The following ZSWIM6 variants were observed in gnomAD, a reference collection of about 807,000 sequenced individuals.
ZSWIM6 encodes the protein zinc finger SWIM domain-containing protein 6.
In ZSWIM6, 9 loss-of-function variants were observed where a neutral mutation model predicts 113.2. The observed-to-expected ratio is 0.08, with a 90% CI of 0.05 to 0.14. The LOEUF (loss-of-function observed/expected upper bound fraction) is 0.14. Among genes scored for constraint, ZSWIM6 ranks in the 10% least tolerant of loss-of-function variants. The pLI, the probability that ZSWIM6 is intolerant of heterozygous loss-of-function variation, is 1.00. For synonymous variants in ZSWIM6, 611 were observed against 606.5 expected (o/e 1.01, Z -0.11); for missense variants, 1,162 against 1,552.2 (o/e 0.75, Z 4.22).
At chr5:61,506,101 C>T (rs1748612073) in intron 4 of ZSWIM6, among the ~76,000 whole-genome samples, 1 of 152,000 alleles carries the variant, frequency 6.6e-6, no homozygotes, top group African/African-American at 2.4e-5. Context: ...AGAATTTTGT[C>T]AGAACTTGGT....
chr5:61,355,977 T>A (rs1351235691), intron 1 of ZSWIM6, among the ~76,000 whole-genome samples: 1 of 152,186 alleles, frequency 6.6e-6, no homozygotes, highest in Non-Finnish European at 1.5e-5. Context: ...ATAAGTTCTT[T>A]CTGTTTATGT....
chr5:61,382,169 C>T (rs1170552871), intron 1 of ZSWIM6, among the ~76,000 whole-genome samples: 2 of 152,046 alleles, frequency 1.3e-5, no homozygotes, highest in African/African-American at 2.4e-5. Flanking sequence ...TCATGCATGC[C>T]GATTCTCTCC....
rs1222000075 is a variant in ZSWIM6 at position 61,525,797 on chromosome 5, C to T, written c.1514-3C>T. 1.3e-6 allele frequency: 2 copies of T among 1,551,318 alleles called. No homozygotes were observed. The highest frequency in any genetic ancestry group is 1.7e-6 in the Non-Finnish European group (2 of 1,146,736). On this transcript the variant is annotated splice_region_variant and splice_polypyrimidine_tract_variant and intron_variant, in intron 5 of 13. Transcript: ENST00000252744. The stretch of plus-strand genomic sequence containing the variant: ...ACGGCTTTCTGAATTGTGGAAAAAA[C>T]AGATTCATCGAACAGGCCACATCGG...
intron 12 of ZSWIM6, among the ~76,000 whole-genome samples, chr5:61,540,368 G>A (rs1228325644): frequency 6.6e-6 from 1 of 152,104 alleles, no homozygotes; most frequent in African/African-American, 2.4e-5. Flanking sequence ...TAAAAAGTTT[G>A]TTTCATTTTT....
At chr5:61,540,301 C>A (rs1749694680) in intron 12 of ZSWIM6, among the ~76,000 whole-genome samples, 1 of 152,164 alleles carries the variant, frequency 6.6e-6, no homozygotes, top group South Asian at 2.1e-4. Context: ...GTTCGTCATG[C>A]AGATAGATGT....
chr5:61,510,988 C>T (rs1480930540), intron 4 of ZSWIM6, among the ~76,000 whole-genome samples: 1 of 151,808 alleles, frequency 6.6e-6, no homozygotes, highest in Admixed American at 6.6e-5. Context: ...ATGTTTCAGG[C>T]GTATTGAAGG....
intron 1 of ZSWIM6, among the ~76,000 whole-genome samples, chr5:61,419,722 A>C (rs991252152): frequency 6.6e-6 from 1 of 152,192 alleles, no homozygotes; most frequent in African/African-American, 2.4e-5. Flanking sequence ...TGTCCACACA[A>C]TGCAAGCCTC....
intron 10 of ZSWIM6, among the ~76,000 whole-genome samples, chr5:61,536,257 AT>A (rs1315988885): frequency 6.6e-6 from 1 of 152,040 alleles, no homozygotes; most frequent in Non-Finnish European, 1.5e-5. Flanking sequence ...CCACCTTTTT[AT>A]TTCTACCTTC....
intron 2 of ZSWIM6, among the ~76,000 whole-genome samples, chr5:61,484,234 C>A (rs1030851515): frequency 2.0e-5 from 3 of 152,272 alleles, no homozygotes; most frequent in Non-Finnish European, 4.4e-5. Context: ...CAGCAGACAA[C>A]CCCCATCCAA....
At chr5:61,428,144 G>A (rs1419642188) in intron 1 of ZSWIM6, among the ~76,000 whole-genome samples, 1 of 152,080 alleles carries the variant, frequency 6.6e-6, no homozygotes, top group East Asian at 1.9e-4. Context: ...ACACAAGGGA[G>A]CTCTAATTTA....
chr5:61,401,258 C>T (rs1022324907), intron 1 of ZSWIM6, among the ~76,000 whole-genome samples: 7 of 152,016 alleles, frequency 4.6e-5, no homozygotes, highest in African/African-American at 1.7e-4. Flanking sequence ...GAGCAACAGA[C>T]GGAAGAAATT....
chr5:61,360,384 C>G (rs149325738), intron 1 of ZSWIM6, among the ~76,000 whole-genome samples: 33 of 152,224 alleles, frequency 2.2e-4, no homozygotes, highest in Non-Finnish European at 4.7e-4. Flanking sequence ...AATTGAGAAC[C>G]AACAGAAAAA....
intron 1 of ZSWIM6, among the ~76,000 whole-genome samples, chr5:61,467,549 A>G (rs1377559742): frequency 1.3e-5 from 2 of 152,184 alleles, no homozygotes; most frequent in Non-Finnish European, 2.9e-5. Context: ...TTTTTAAAAT[A>G]TTGATCTTGT....
chr5:61,332,674 G>T lies in ZSWIM6; in HGVS notation c.402G>T (p.Ala134=). ...YSSFNTGGGA[A]GGPGDDSGGG... Reference sequence around the variant, plus strand: ...CCTTCAACACCGGCGGCGGCGCCGCGGGCGGCCCCGGCGACGACAGCGGTG... The same window carrying T: ...CCTTCAACACCGGCGGCGGCGCCGCTGGCGGCCCCGGCGACGACAGCGGTG... The change falls in exon 1 of 14, where the codon GCG becomes GCT. Residue 134 remains alanine (A), a synonymous_variant. Coordinates refer to ENST00000252744, the MANE Select transcript of ZSWIM6 (RefSeq NM_020928.2). 2 of 1,103,040 alleles carry T rather than the reference G, an allele frequency of 1.8e-6. No homozygotes were observed. Among genetic ancestry groups the T allele is most frequent in the Non-Finnish European group, 2.3e-6 (2 of 883,968 alleles). 68.3% of individuals were successfully genotyped at this position (1,103,040 alleles called of 1,614,324 possible). A position where few individuals can be genotyped will look rare whatever the true frequency, so the allele number is the denominator to read the frequency against.
At chr5:61,448,046 T>C (rs1181939028) in intron 1 of ZSWIM6, among the ~76,000 whole-genome samples, 1 of 152,166 alleles carries the variant, frequency 6.6e-6, no homozygotes, top group African/African-American at 2.4e-5. Context: ...TATAGTTCAT[T>C]TGAGACTTTC....
chr5:61,394,825 A>G (rs138582012), intron 1 of ZSWIM6, among the ~76,000 whole-genome samples: 168 of 152,168 alleles, frequency 1.1e-3, no homozygotes, highest in Non-Finnish European at 2.1e-3. Context: ...CCTTTTTCCA[A>G]TTCAGATTCT....
intron 4 of ZSWIM6, among the ~76,000 whole-genome samples, chr5:61,503,771 A>G (rs1748534176): frequency 6.6e-6 from 1 of 152,180 alleles, no homozygotes; most frequent in Non-Finnish European, 1.5e-5. Context: ...TCATATGTAG[A>G]CCACATAATT....
chr5:61,390,165 C>T (rs781283274), intron 1 of ZSWIM6, among the ~76,000 whole-genome samples: 1 of 152,194 alleles, frequency 6.6e-6, no homozygotes, highest in Non-Finnish European at 1.5e-5. Flanking sequence ...TATTCATGGG[C>T]AGCTACTGTG....
At chr5:61,454,547 G>A (rs1469498679) in intron 1 of ZSWIM6, among the ~76,000 whole-genome samples, 1 of 150,250 alleles carries the variant, frequency 6.7e-6, no homozygotes, top group Non-Finnish European at 1.5e-5. Flanking sequence ...ATAGGTATGA[G>A]CCACCGTGCC....
Sources: allele counts gnomAD v4.1 joint callset (sites outside exome capture counted in the v4.1 genomes callset), GRCh38; gene constraint gnomAD v4.1.1; transcripts MANE v1.5; gene names NCBI Gene and HGNC (gene_info 2026-07-23, HGNC 2026-07-21).